Variants in NCOR1 observed in about 807,000 individuals in gnomAD.
The protein encoded by NCOR1 is protein phosphatase 1, regulatory subunit 109.
NCOR1 carries 63 observed loss-of-function variants against 288.1 expected under a neutral mutation model. The ratio of observed to expected loss-of-function variants is 0.22; its 90% CI spans 0.18 to 0.27. The LOEUF is 0.27. Among genes scored for constraint, NCOR1 ranks in the 10% least tolerant of loss-of-function variants. The pLI is 1.00. For synonymous variants in NCOR1, 1,007 were observed against 1,065.9 expected (o/e 0.94, Z 1.08); for missense variants, 2,397 against 3,019.2 (o/e 0.79, Z 4.83).
At chr17:16,044,185 A>AAAAAG (rs1555549290) in intron 42 of NCOR1, among the ~76,000 whole-genome samples, 5 of 151,364 alleles carry the variant, frequency 3.3e-5, no homozygotes, top group Non-Finnish European at 7.4e-5. Context: ...AAAAAAAAAA[A>AAAAAG]AAAGAAAGAA....
chr17:16,184,817 G>A (rs2086259608), intron 3 of NCOR1, among the ~76,000 whole-genome samples: 1 of 151,834 alleles, frequency 6.6e-6, no homozygotes, highest in South Asian at 2.1e-4. Flanking sequence ...AACAATCTAA[G>A]TGTTTGTCAA....
At chr17:16,120,117 T>C (rs566933598) in intron 16 of NCOR1, among the ~76,000 whole-genome samples, 3 of 152,298 alleles carry the variant, frequency 2.0e-5, no homozygotes, top group South Asian at 2.1e-4. Context: ...CTTAGACTGA[T>C]AGACTAATTT....
chr17:16,124,041 T>C (rs192050580), intron 15 of NCOR1, among the ~76,000 whole-genome samples: 31 of 152,310 alleles, frequency 2.0e-4, no homozygotes, highest in African/African-American at 7.2e-4. Context: ...ACTGGCTACA[T>C]GGCCCAAAAA....
chr17:16,145,324 A>G (rs767150106), intron 10 of NCOR1, among the ~76,000 whole-genome samples: 243 of 151,842 alleles, frequency 1.6e-3, no homozygotes, highest in Non-Finnish European at 2.9e-3. Flanking sequence ...CCACCACCCC[A>G]TCTGGGAAGT....
At chr17:16,099,048 T>C (rs955243439) in intron 20 of NCOR1, among the ~76,000 whole-genome samples, 2 of 152,186 alleles carry the variant, frequency 1.3e-5, no homozygotes, top group African/African-American at 4.8e-5. Flanking sequence ...GAAAATTTCA[T>C]CCAAAATTCC....
chr17:16,032,253 A>C lies in NCOR1; in HGVS notation c.*43T>G. ...TACTAAAAATTAAACCACAAAAACT[A>C]GAGATCCCTCTCCTGCACCCTGTTC... is the stretch of plus-strand genomic sequence containing the variant. On this transcript the variant is annotated 3_prime_UTR_variant, in exon 46 of 46. Coordinates refer to ENST00000268712, the MANE Select transcript of NCOR1 (RefSeq NM_006311.4). 2.6e-6 allele frequency: 4 copies of C among 1,516,480 alleles called. No homozygotes were observed. The highest frequency in any genetic ancestry group is 3.5e-6 in the Non-Finnish European group (4 of 1,140,482). The allele number at this position is 1,516,480 out of a possible 1,614,324, so 93.9% of individuals were successfully genotyped here.
At chr17:16,044,746 T>C in intron 42 of NCOR1, 1 of 792,872 alleles carries the variant, frequency 1.3e-6, no homozygotes, top group Non-Finnish European at 2.3e-6. Flanking sequence ...TTGAACCTTT[T>C]TGGTCCAGCT....
At chr17:16,084,997 TAAG>T (rs1463447378) in intron 23 of NCOR1, among the ~76,000 whole-genome samples, 2 of 152,096 alleles carry the variant, frequency 1.3e-5, no homozygotes, top group East Asian at 1.9e-4. Context: ...AAAATACCAG[TAAG>T]AAAATAAACA....
chr17:16,064,108 T>TTCCCGC lies in NCOR1; in HGVS notation c.5175_5180dup (p.Glu1727_Arg1728dup), dbSNP rs769747307. On this transcript the variant is annotated inframe_insertion, in exon 35 of 46. Coordinates refer to ENST00000268712, the MANE Select transcript of NCOR1 (RefSeq NM_006311.4). ...GGTCGGAGGAAGCTGCAGCAATCCG[T>TTCCCGC]TCCCGCTCCCGCTCCTTCTCCCGCT... is the stretch of plus-strand genomic sequence containing the variant. 292 of 1,614,050 alleles carry TTCCCGC rather than the reference T, an allele frequency of 1.8e-4. 1 individual carries two copies. Among genetic ancestry groups the TTCCCGC allele is most frequent in the Non-Finnish European group, 2.4e-4 (279 of 1,179,978 alleles).
chr17:16,053,824 T>C (rs1477220244), intron 40 of NCOR1, among the ~76,000 whole-genome samples: 2 of 152,060 alleles, frequency 1.3e-5, no homozygotes, highest in East Asian at 1.9e-4. Context: ...CAAAACAGCA[T>C]TGTATTGGTA....
intron 4 of NCOR1, among the ~76,000 whole-genome samples, chr17:16,168,753 C>G (rs2082528811): frequency 6.6e-6 from 1 of 151,822 alleles, no homozygotes; most frequent in African/African-American, 2.4e-5. Context: ...GGCAGATCAC[C>G]TGAGGTCAGG....
At chr17:16,208,376 A>G (rs941760358) in intron 1 of NCOR1, among the ~76,000 whole-genome samples, 2 of 150,896 alleles carry the variant, frequency 1.3e-5, no homozygotes, top group African/African-American at 4.9e-5. Context: ...TGTATTTCTA[A>G]CTCACAGTTT....
At chr17:16,086,231 T>G (rs1225761244) in intron 23 of NCOR1, 51 bp downstream of exon 23, 1 of 1,563,576 alleles carries the variant, frequency 6.4e-7, no homozygotes, top group African/African-American at 1.4e-5. Context: ...GGACAAGTTT[T>G]AACAAAGCCA....
At chr17:16,109,221 G>T (rs1280193735) in intron 18 of NCOR1, among the ~76,000 whole-genome samples, 1 of 151,792 alleles carries the variant, frequency 6.6e-6, no homozygotes, top group African/African-American at 2.4e-5. Context: ...ACTCACTCCA[G>T]ATAATGTTAT....
In NCOR1 at chr17:16,068,673, C is replaced by T. The variant is rs1598147962; in HGVS notation, c.4514-552G>A. Among the ~76,000 whole-genome samples the T allele has an allele frequency of 2.0e-5, 3 of 152,060 alleles. No homozygotes were observed. The South Asian group carries it at 6.2e-4, about 32-fold the overall frequency. On this transcript the variant is annotated intron_variant, in intron 31 of 45. Transcript: ENST00000268712. ...TATTCAGGATGGTCAGATTGTCCCA[C>T]CAATAAATATATATTCAAACACTTA...
At chr17:16,085,196 G>T (rs1241490733) in intron 23 of NCOR1, among the ~76,000 whole-genome samples, 1 of 152,158 alleles carries the variant, frequency 6.6e-6, no homozygotes, top group Admixed American at 6.5e-5. Flanking sequence ...TTTGTTTTCA[G>T]GGAAATGTAA....
intron 45 of NCOR1, among the ~76,000 whole-genome samples, chr17:16,032,920 C>A (rs1316772960): frequency 6.6e-6 from 1 of 152,196 alleles, no homozygotes; most frequent in Non-Finnish European, 1.5e-5. Flanking sequence ...GGATGCAAGT[C>A]ATCTGCTGAA....
At position 16,044,636 on chromosome 17, in the gene NCOR1, G is replaced by A. The variant is rs1475849082; in HGVS notation, c.6679+2315C>T. The A allele has an allele frequency of 1.9e-5, 12 of 629,576 alleles. No homozygotes were observed. The East Asian group carries it at 2.5e-4, about 13-fold the overall frequency. 39.0% of individuals were successfully genotyped at this position (629,576 alleles called of 1,614,324 possible). A position where few individuals can be genotyped will look rare whatever the true frequency, so the allele number is the denominator to read the frequency against. On this transcript the variant is annotated intron_variant, in intron 42 of 45. Coordinates refer to ENST00000268712, the MANE Select transcript of NCOR1 (RefSeq NM_006311.4). ...TGCCCATACCATGTCCTCTGTCTCC[G>A]AGCTCGCCTGCATCTACTCAGCCCT...
chr17:16,160,703 A>G (rs2080664740), intron 5 of NCOR1, among the ~76,000 whole-genome samples: 1 of 152,186 alleles, frequency 6.6e-6, no homozygotes, highest in South Asian at 2.1e-4. Context: ...GAGGCAGAAG[A>G]ATCGCTTGAA....
Sources: allele counts gnomAD v4.1 joint callset (sites outside exome capture counted in the v4.1 genomes callset), GRCh38; gene constraint gnomAD v4.1.1; transcripts MANE v1.5; gene names NCBI Gene and HGNC (gene_info 2026-07-23, HGNC 2026-07-21).